The following ESR1 variants were observed in gnomAD, a reference collection of about 807,000 sequenced individuals.
ESR1 encodes estrogen receptor.
A neutral mutation model predicts 52.7 loss-of-function variants in ESR1; 12 were observed. The observed-to-expected ratio is 0.23, with a 90% CI of 0.15 to 0.37. The LOEUF is 0.37. Among genes scored for constraint, ESR1 ranks in the 10% least tolerant of loss-of-function variants. The probability of loss-of-function intolerance (pLI) is 1.00; values close to 1 mark genes in which losing one functional copy is unlikely to be tolerated. For synonymous variants in ESR1, 305 were observed against 316.8 expected (o/e 0.96, Z 0.39); for missense variants, 584 against 779.7 (o/e 0.75, Z 2.99).
At chr6:152,038,531 A>G (rs567276113) in intron 5 of ESR1, among the ~76,000 whole-genome samples, 2 of 152,352 alleles carry the variant, frequency 1.3e-5, no homozygotes, top group African/African-American at 2.4e-5. Context: ...TACACTGAAC[A>G]TAATACAACT....
intron 6 of ESR1, among the ~76,000 whole-genome samples, chr6:152,072,432 A>G (rs2048425873): frequency 6.6e-6 from 1 of 152,022 alleles, no homozygotes; most frequent in Admixed American, 6.5e-5. Flanking sequence ...TTTTCTAGGG[A>G]AGGACAACCT....
At chr6:151,865,670 G>C (rs1349061584) in intron 2 of ESR1, among the ~76,000 whole-genome samples, 3 of 152,198 alleles carry the variant, frequency 2.0e-5, no homozygotes, top group Non-Finnish European at 4.4e-5. Flanking sequence ...AATAATTGAA[G>C]TTTAGAACTG....
chr6:152,036,847 C>G (rs1014110325), intron 5 of ESR1, among the ~76,000 whole-genome samples: 2 of 152,196 alleles, frequency 1.3e-5, no homozygotes, highest in South Asian at 2.1e-4. Flanking sequence ...GACTGGAGCT[C>G]TCCAAGGCAT....
intron 5 of ESR1, among the ~76,000 whole-genome samples, chr6:152,021,403 C>T (rs1422907265): frequency 6.6e-6 from 1 of 152,044 alleles, no homozygotes; most frequent in Non-Finnish European, 1.5e-5. Context: ...TAATAAACTC[C>T]CCTTTATATA....
chr6:151,952,371 T>C (rs1455048448), intron 4 of ESR1, among the ~76,000 whole-genome samples: 1 of 152,172 alleles, frequency 6.6e-6, no homozygotes, highest in Non-Finnish European at 1.5e-5. Context: ...TATTAACTGC[T>C]TAAGTCAGAC....
chr6:151,761,910 G>A (rs1431863283), intron 2 of ESR1, among the ~76,000 whole-genome samples: 1 of 152,186 alleles, frequency 6.6e-6, no homozygotes, highest in East Asian at 1.9e-4. Flanking sequence ...GCAATAATTT[G>A]TATTTCTAAA....
rs11285435 is a variant in ESR1, at chr6:152,101,034, GTT to G, written c.*2084_*2085del. The G allele has an allele frequency of 3.4e-3, 664 of 193,940 alleles. 2 individuals carry two copies. The highest frequency in any genetic ancestry group is 0.016 in the East Asian group (210 of 13,392). The allele number at this position is 193,940 out of a possible 1,614,324, so 12.0% of individuals were successfully genotyped here. A position where few individuals can be genotyped will look rare whatever the true frequency, so the allele number is the denominator to read the frequency against. On this transcript the variant is annotated 3_prime_UTR_variant, in exon 8 of 8. Coordinates refer to ENST00000206249, the MANE Select transcript of ESR1 (RefSeq NM_000125.4). The stretch of plus-strand genomic sequence containing the variant: ...TGCAAAAACCAAGGAAAAATATTTA[GTT>G]TTTTTTTTTTTTTTTGTATACTTTT...
intron 4 of ESR1, among the ~76,000 whole-genome samples, chr6:151,996,567 T>C (rs1299419303): frequency 6.6e-6 from 1 of 152,104 alleles, no homozygotes; most frequent in Non-Finnish European, 1.5e-5. Flanking sequence ...TGCCTCTGGA[T>C]TGGGTACCAA....
At chr6:151,988,183 C>CT (rs2040675104) in intron 4 of ESR1, among the ~76,000 whole-genome samples, 1 of 152,122 alleles carries the variant, frequency 6.6e-6, no homozygotes, top group Non-Finnish European at 1.5e-5. Flanking sequence ...AATTATACAA[C>CT]TTACCATAAC....
chr6:151,740,285 A>ATTTTTTTTTTTTTTTT (rs386408967), intron 2 of ESR1, among the ~76,000 whole-genome samples: 3 of 108,002 alleles, frequency 2.8e-5, no homozygotes, highest in African/African-American at 7.2e-5. Context: ...TGCCTGGCTA[A>ATTTTTTTTTTTTTTTT]TTTTTTTTTT....
At chr6:151,778,934 G>A (rs1786274485) in intron 2 of ESR1, among the ~76,000 whole-genome samples, 1 of 131,470 alleles carries the variant, frequency 7.6e-6, no homozygotes, top group Admixed American at 7.5e-5. Flanking sequence ...TATTGCTAAA[G>A]AAAGCCTGTT....
intron 1 of ESR1, among the ~76,000 whole-genome samples, chr6:151,833,435 G>A (rs770528587): frequency 1.9e-4 from 29 of 152,140 alleles, no homozygotes; most frequent in Non-Finnish European, 2.6e-4. Flanking sequence ...TAGGGTAGCC[G>A]TGGAGGAGAC....
At chr6:151,847,321 A>T (rs9479130) in intron 2 of ESR1, among the ~76,000 whole-genome samples, 8 of 151,910 alleles carry the variant, frequency 5.3e-5, no homozygotes, top group African/African-American at 1.5e-4. Flanking sequence ...AAAGAACTCA[A>T]GCCCATTTAG....
In ESR1 at chr6:151,808,279, C is replaced by A; in HGVS notation, c.367C>A (p.Pro123Thr). Residue 123 changes from proline (P) to threonine (T), a missense_variant, in exon 1 of 8, where the codon CCC (proline) becomes ACC (threonine). Physicochemically the swap from Pro to Thr is conservative, Grantham distance 38. Coordinates refer to ENST00000206249, the MANE Select transcript of ESR1 (RefSeq NM_000125.4). ...GCCGCAGCTGTCGCCTTTCCTGCAGCCCCACGGCCAGCAGGTGCCCTACTA... is the reference window on the plus strand; with the variant it reads ...GCCGCAGCTGTCGCCTTTCCTGCAGACCCACGGCCAGCAGGTGCCCTACTA... ...PPPQLSPFLQ[P>T]HGQQVPYYLE... The A allele has an allele frequency of 1.3e-6, 2 of 1,586,136 alleles. No individual in the cohort carries two copies. The highest frequency in any genetic ancestry group is 1.2e-5 in the South Asian group (1 of 86,798).
At chr6:152,072,538 G>C (rs185205354) in intron 6 of ESR1, among the ~76,000 whole-genome samples, 1 of 152,322 alleles carries the variant, frequency 6.6e-6, no homozygotes, top group Admixed American at 6.5e-5. Context: ...CTGAACATGG[G>C]GTTTTGCTAT....
At chr6:151,802,809 T>C (rs1184183492), upstream of ESR1, among the ~76,000 whole-genome samples, 1 of 152,116 alleles carries the variant, frequency 6.6e-6, no homozygotes, top group Non-Finnish European at 1.5e-5. Flanking sequence ...GCCAACATGG[T>C]GAAATCCTGT....
In ESR1 at chr6:151,868,288, C is replaced by T. The variant is rs374793311; in HGVS notation, c.644-12367C>T. Among the ~76,000 whole-genome samples the T allele has an allele frequency of 3.9e-3, 586 of 152,098 alleles. 3 individuals carry two copies. The highest frequency in any genetic ancestry group is 0.013 in the African/African-American group (525 of 41,488). ...GACTACAGGCGTACACCACCATGCC[C>T]GGCTAATTTTTGTATTTTTAGTAGA... On this transcript the variant is annotated intron_variant, in intron 2 of 7. Coordinates refer to ENST00000206249, the MANE Select transcript of ESR1 (RefSeq NM_000125.4).
rs1472777415 is a variant in ESR1, at chr6:151,807,833, C to G, written c.-80C>G. On this transcript the variant is annotated 5_prime_UTR_variant, in exon 1 of 8. Transcript: ENST00000206249. ...GTCGCCTCTAACCTCGGGCTGTGCTCTTTTTCCAGGTGGCCCGCCGGTTTC... is the reference window on the plus strand; with the variant it reads ...GTCGCCTCTAACCTCGGGCTGTGCTGTTTTTCCAGGTGGCCCGCCGGTTTC... The G allele has an allele frequency of 7.6e-7, 1 of 1,320,468 alleles. No individual in the cohort carries two copies. The highest frequency in any genetic ancestry group is 2.4e-5 in the East Asian group (1 of 40,844). The allele number at this position is 1,320,468 out of a possible 1,614,324, so 81.8% of individuals were successfully genotyped here. A position where few individuals can be genotyped will look rare whatever the true frequency, so the allele number is the denominator to read the frequency against.
intron 6 of ESR1, among the ~76,000 whole-genome samples, chr6:152,114,687 C>G (rs555714770): frequency 6.6e-6 from 1 of 151,386 alleles, no homozygotes. Flanking sequence ...GTCAGGAGAT[C>G]GAGACCATCC....
Sources: allele counts gnomAD v4.1 joint callset (sites outside exome capture counted in the v4.1 genomes callset), GRCh38; gene constraint gnomAD v4.1.1; transcripts MANE v1.5; gene names NCBI Gene and HGNC (gene_info 2026-07-23, HGNC 2026-07-21).